Variants in SLC8A1 observed in about 807,000 individuals in gnomAD.
SLC8A1 encodes the protein sodium/calcium exchanger 1.
SLC8A1 carries 18 observed loss-of-function variants against 68.3 expected under a neutral mutation model. That is an observed-to-expected ratio of 0.26 (90% CI 0.18 to 0.39). SLC8A1 has a LOEUF of 0.39. Ranked by LOEUF, SLC8A1 falls within the 10% of genes least tolerant of loss-of-function variation. The pLI is 1.00. For missense variants in SLC8A1, 985 were observed against 1,156.7 expected, an observed-to-expected ratio of 0.85 and a Z score of 2.15; for synonymous variants, 475 against 415.5, an observed-to-expected ratio of 1.14 and a Z score of -1.74.
chr2:40,303,933 T>A (rs2072058650), intron 2 of SLC8A1, among the ~76,000 whole-genome samples: 3 of 152,184 alleles, frequency 2.0e-5, no homozygotes, highest in African/African-American at 7.2e-5. Context: ...ATTCTCCTTT[T>A]TCTTTCAGAG....
At chr2:40,128,845 C>G (rs549700511) in intron 7 of SLC8A1, among the ~76,000 whole-genome samples, 1 of 152,174 alleles carries the variant, frequency 6.6e-6, no homozygotes, top group Non-Finnish European at 1.5e-5. Flanking sequence ...CAAAATCTTA[C>G]AGAATCCATG....
At chr2:40,276,917 T>C (rs2149164872) in intron 2 of SLC8A1, among the ~76,000 whole-genome samples, 1 of 152,324 alleles carries the variant, frequency 6.6e-6, no homozygotes, top group Admixed American at 6.5e-5. Flanking sequence ...CCTTTTGTGA[T>C]GGTTCAACTT....
At position 40,473,554 on chromosome 2, in the gene SLC8A1, G is replaced by A. The variant is rs75019481; in HGVS notation, c.-25+38795C>T. Among the ~76,000 whole-genome samples, 89 of 152,030 alleles carry A rather than the reference G, an allele frequency of 5.9e-4. 1 individual carries two copies. The highest frequency in any genetic ancestry group is 3.3e-4 in the Admixed American group (5 of 15,264). On this transcript the variant is annotated intron_variant, in intron 1 of 7. Transcript: ENST00000402441. ...TAAAGACAAACATTTTACATGTTTT[G>A]TTGATTGCTATATTTCAACTTCCTA...
At chr2:40,157,300 T>A (rs2044723722) in intron 6 of SLC8A1, among the ~76,000 whole-genome samples, 2 of 152,248 alleles carry the variant, frequency 1.3e-5, no homozygotes, top group Admixed American at 6.5e-5. Context: ...TTATCTCTAC[T>A]TTACATATGA....
chr2:40,231,704 A>T (rs903437592), intron 2 of SLC8A1, among the ~76,000 whole-genome samples: 5 of 152,160 alleles, frequency 3.3e-5, no homozygotes, highest in African/African-American at 1.2e-4. Flanking sequence ...CGCACTTGGA[A>T]GACAAACTCC....
chr2:40,100,532 G>C (rs1221866645), exon 8 of SLC8A1: 2 of 152,172 alleles, frequency 1.3e-5, no homozygotes, highest in Non-Finnish European at 2.9e-5. Context: ...TCACGAAGTG[G>C]CCAGAAGTGG....
intron 2 of SLC8A1, among the ~76,000 whole-genome samples, chr2:40,311,615 T>A (rs1018083985): frequency 2.6e-5 from 4 of 152,122 alleles, no homozygotes; most frequent in Non-Finnish European, 5.9e-5. Context: ...AAAGAATATA[T>A]CTGGAAGGAC....
intron 7 of SLC8A1, among the ~76,000 whole-genome samples, chr2:40,125,298 AG>A (rs2037837302): frequency 1.3e-5 from 2 of 152,150 alleles, no homozygotes; most frequent in African/African-American, 4.8e-5. Context: ...AGGAGGAAGG[AG>A]TGGAATAGAA....
chr2:40,415,479 G>C (rs1693530832), intron 2 of SLC8A1, among the ~76,000 whole-genome samples: 2 of 151,372 alleles, frequency 1.3e-5, no homozygotes, highest in Non-Finnish European at 2.9e-5. Context: ...AACCACTGGA[G>C]TTGTGGCTTA....
chr2:40,127,890 A>T (rs1036484531), intron 7 of SLC8A1, among the ~76,000 whole-genome samples: 4 of 152,228 alleles, frequency 2.6e-5, no homozygotes, highest in Non-Finnish European at 5.9e-5. Context: ...TGAGCTGAAC[A>T]AAGGTTATAA....
intron 2 of SLC8A1, among the ~76,000 whole-genome samples, chr2:40,332,630 AAAT>A (rs1164409671): frequency 6.6e-6 from 1 of 152,220 alleles, no homozygotes; most frequent in Non-Finnish European, 1.5e-5. Context: ...TGCAGAAAAT[AAAT>A]GACAGGGTTG....
At chr2:40,395,830 A>G (rs531057800) in intron 2 of SLC8A1, among the ~76,000 whole-genome samples, 1 of 152,278 alleles carries the variant, frequency 6.6e-6, no homozygotes, top group African/African-American at 2.4e-5. Context: ...CAGGAAATTC[A>G]ATGCAAGAAG....
At chr2:40,383,941 C>T (rs556670741) in intron 2 of SLC8A1, among the ~76,000 whole-genome samples, 1 of 152,196 alleles carries the variant, frequency 6.6e-6, no homozygotes, top group East Asian at 1.9e-4. Flanking sequence ...CATCTGCGAA[C>T]TTTACAATTC....
intron 2 of SLC8A1, among the ~76,000 whole-genome samples, chr2:40,387,602 G>A (rs896371310): frequency 6.6e-6 from 1 of 151,264 alleles, no homozygotes; most frequent in African/African-American, 2.5e-5. Flanking sequence ...AACTATCTAT[G>A]CTAATTATGT....
intron 2 of SLC8A1, among the ~76,000 whole-genome samples, chr2:40,233,962 G>T (rs1407023510): frequency 6.6e-6 from 1 of 151,796 alleles, no homozygotes; most frequent in East Asian, 1.9e-4. Flanking sequence ...CTATATCTCT[G>T]TTTTGGTATC....
intron 2 of SLC8A1, among the ~76,000 whole-genome samples, chr2:40,389,399 CAATCT>C (rs1480635823): frequency 6.6e-6 from 1 of 152,040 alleles, no homozygotes; most frequent in African/African-American, 2.4e-5. Context: ...TTCATATTTA[CAATCT>C]AATCTAAGCT....
At chr2:40,312,924 G>A (rs781244448) in intron 2 of SLC8A1, among the ~76,000 whole-genome samples, 2 of 151,944 alleles carry the variant, frequency 1.3e-5, no homozygotes, top group Non-Finnish European at 2.9e-5. Context: ...TGTTCAATGC[G>A]ATAAATCTAA....
intron 2 of SLC8A1, among the ~76,000 whole-genome samples, chr2:40,301,890 T>C (rs1196688447): frequency 6.6e-6 from 1 of 151,578 alleles, no homozygotes; most frequent in Non-Finnish European, 1.5e-5. Context: ...TGAGATGGAG[T>C]CTTGCTCTAT....
chr2:40,137,634 A>G (rs1377327679), intron 7 of SLC8A1, among the ~76,000 whole-genome samples: 1 of 152,134 alleles, frequency 6.6e-6, no homozygotes, highest in Non-Finnish European at 1.5e-5. Flanking sequence ...GAATATTTTA[A>G]GTTTTTCCTT....
Sources: allele counts gnomAD v4.1 joint callset (sites outside exome capture counted in the v4.1 genomes callset), GRCh38; gene constraint gnomAD v4.1.1; transcripts MANE v1.5; gene names NCBI Gene and HGNC (gene_info 2026-07-23, HGNC 2026-07-21).